Variants in PLPPR1 observed in about 807,000 individuals in gnomAD.
PLPPR1 encodes phospholipid phosphatase-related protein type 1.
Under a neutral mutation model 33.1 loss-of-function variants are expected in PLPPR1, and 10 were observed. That is an observed-to-expected ratio of 0.30 (90% CI 0.19 to 0.51). The LOEUF is 0.51. Among genes scored for constraint, PLPPR1 ranks in the 20% least tolerant of loss-of-function variants. The probability of loss-of-function intolerance (pLI) is 0.97; values close to 1 mark genes in which losing one functional copy is unlikely to be tolerated. For missense variants in PLPPR1, 304 were observed against 408.1 expected, an observed-to-expected ratio of 0.74 and a Z score of 2.20; for synonymous variants, 151 against 151.0, an observed-to-expected ratio of 1.00 and a Z score of 0.00.
At chr9:101,198,092 T>A (rs1239997628) in intron 2 of PLPPR1, among the ~76,000 whole-genome samples, 1 of 152,216 alleles carries the variant, frequency 6.6e-6, no homozygotes, top group East Asian at 1.9e-4. Flanking sequence ...AATAAATTGT[T>A]CATTATGTAA....
At chr9:101,228,290 C>T (rs1827112608) in intron 2 of PLPPR1, among the ~76,000 whole-genome samples, 1 of 152,162 alleles carries the variant, frequency 6.6e-6, no homozygotes, top group South Asian at 2.1e-4. Flanking sequence ...TAAGCTCCCT[C>T]CACTGACCAA....
At chr9:101,121,571 T>C (rs1831178743) in intron 1 of PLPPR1, among the ~76,000 whole-genome samples, 1 of 152,134 alleles carries the variant, frequency 6.6e-6, no homozygotes, top group Non-Finnish European at 1.5e-5. Flanking sequence ...AATCAAGGAG[T>C]ATTTTTTTTG....
intron 1 of PLPPR1, among the ~76,000 whole-genome samples, chr9:101,062,514 T>A (rs1002539504): frequency 6.6e-6 from 1 of 152,024 alleles, no homozygotes; most frequent in Non-Finnish European, 1.5e-5. Flanking sequence ...ATTATTTTAA[T>A]GCTAGGTTAT....
At position 101,187,044 on chromosome 9, in the gene PLPPR1, ATTC is replaced by A. The variant is rs147873519; in HGVS notation, c.63+1493_63+1495del. ...ATACATATTGTGGGTTCTGGTTACG[ATTC>A]TTCTTATTAATATTGTGGTGAAGGG... is the stretch of plus-strand genomic sequence containing the variant. On this transcript the variant is annotated intron_variant, in intron 2 of 7. Coordinates refer to ENST00000374874, the MANE Select transcript of PLPPR1 (RefSeq NM_207299.2). Among the ~76,000 whole-genome samples, 5 of 152,002 alleles carry A rather than the reference ATTC, an allele frequency of 3.3e-5. No individual in the cohort carries two copies. The East Asian group carries it at 5.8e-4, about 18-fold the overall frequency.
intron 2 of PLPPR1, among the ~76,000 whole-genome samples, chr9:101,219,883 C>G (rs573159082): frequency 1.3e-5 from 2 of 152,304 alleles, no homozygotes; most frequent in South Asian, 4.1e-4. Context: ...TGGCAGAGAG[C>G]CAGGGAATCC....
intron 2 of PLPPR1, among the ~76,000 whole-genome samples, chr9:101,266,210 C>T (rs751766234): frequency 4.0e-5 from 6 of 151,724 alleles, no homozygotes; most frequent in Admixed American, 2.6e-4. Flanking sequence ...ATGGATCACT[C>T]GAGGTCAAGA....
intron 1 of PLPPR1, among the ~76,000 whole-genome samples, chr9:101,068,412 GT>G (rs1830445838): frequency 6.6e-6 from 1 of 151,964 alleles, no homozygotes; most frequent in Non-Finnish European, 1.5e-5. Flanking sequence ...TGGGAGCAGG[GT>G]TTTCATTCAT....
chr9:101,313,014 T>C (rs747786033), intron 6 of PLPPR1, 40 bp downstream of exon 6: 12 of 1,594,638 alleles, frequency 7.5e-6, no homozygotes, highest in Admixed American at 3.3e-5. Flanking sequence ...CCCCCTCTTC[T>C]ACTCTCTGAA....
intron 2 of PLPPR1, among the ~76,000 whole-genome samples, chr9:101,240,874 G>C (rs969857192): frequency 6.6e-6 from 1 of 152,056 alleles, no homozygotes; most frequent in Non-Finnish European, 1.5e-5. Flanking sequence ...GGTGCTTTCT[G>C]TGTAAGTCTC....
intron 1 of PLPPR1, among the ~76,000 whole-genome samples, chr9:101,084,415 T>C (rs75066255): frequency 0.053 from 8,099 of 152,244 alleles, 382 homozygotes; most frequent in African/African-American, 0.12. Flanking sequence ...ACAGTGATGA[T>C]GATGATTTAT....
At chr9:101,128,685 C>T (rs1342728654) in intron 1 of PLPPR1, among the ~76,000 whole-genome samples, 1 of 152,124 alleles carries the variant, frequency 6.6e-6, no homozygotes, top group African/African-American at 2.4e-5. Flanking sequence ...TGCCTAAATC[C>T]ATGTAATCTG....
At chr9:101,185,581 T>A (rs1212816136) in intron 2 of PLPPR1, 24 bp downstream of exon 2, 1 of 1,450,350 alleles carries the variant, frequency 6.9e-7, no homozygotes, top group Non-Finnish European at 9.6e-7. Flanking sequence ...TTAACCTTTA[T>A]GGACAAATTG....
chr9:101,154,537 T>C (rs1409985604), intron 1 of PLPPR1, among the ~76,000 whole-genome samples: 2 of 152,308 alleles, frequency 1.3e-5, no homozygotes, highest in East Asian at 3.9e-4. Context: ...TCTGTATTTC[T>C]GTGGGATCAG....
intron 3 of PLPPR1, among the ~76,000 whole-genome samples, chr9:101,275,419 T>C (rs1031313971): frequency 6.6e-6 from 1 of 152,236 alleles, no homozygotes; most frequent in African/African-American, 2.4e-5. Context: ...CAGCATCATA[T>C]TGAGACACGG....
At chr9:101,157,405 AT>A (rs896637698) in intron 1 of PLPPR1, among the ~76,000 whole-genome samples, 13 of 152,318 alleles carry the variant, frequency 8.5e-5, no homozygotes, top group Admixed American at 4.6e-4. Flanking sequence ...ATCTATAAAC[AT>A]TCAGTAAATA....
At chr9:101,184,830 G>A (rs1193139573) in intron 1 of PLPPR1, among the ~76,000 whole-genome samples, 1 of 151,946 alleles carries the variant, frequency 6.6e-6, no homozygotes, top group Admixed American at 6.6e-5. Context: ...AATGAAATGT[G>A]TTATGCCTTT....
At chr9:101,029,645 C>T (rs964248039) in intron 1 of PLPPR1, among the ~76,000 whole-genome samples, 2 of 152,200 alleles carry the variant, frequency 1.3e-5, no homozygotes, top group African/African-American at 4.8e-5. Context: ...GTGTGTGTCA[C>T]CTGGAAAATT....
chr9:101,059,978 G>A (rs767979507), intron 1 of PLPPR1, among the ~76,000 whole-genome samples: 22 of 151,950 alleles, frequency 1.4e-4, no homozygotes, highest in Non-Finnish European at 3.1e-4. Flanking sequence ...GTATATACCC[G>A]AAGGAATTGA....
rs894610437 is a variant in PLPPR1, at chr9:101,029,087, C to G, written c.-61C>G. The stretch of plus-strand genomic sequence containing the variant: ...CGGCCCAGTAGGGCGCACTGGAGGA[C>G]GCTCCGCTGCGGGAGGTGAGTGCGG... On this transcript the variant is annotated 5_prime_UTR_variant, in exon 1 of 8. Coordinates refer to ENST00000374874, the MANE Select transcript of PLPPR1 (RefSeq NM_207299.2). 1 of 152,774 alleles carries G rather than the reference C, an allele frequency of 6.5e-6. No homozygotes were observed. The highest frequency in any genetic ancestry group is 2.4e-5 in the African/African-American group (1 of 41,470). The allele number at this position is 152,774 out of a possible 1,614,324, so 9.5% of individuals were successfully genotyped here.
Sources: allele counts gnomAD v4.1 joint callset (sites outside exome capture counted in the v4.1 genomes callset), GRCh38; gene constraint gnomAD v4.1.1; transcripts MANE v1.5; gene names NCBI Gene and HGNC (gene_info 2026-07-23, HGNC 2026-07-21).